The following ITGBL1 variants were observed in gnomAD, a reference collection of about 807,000 sequenced individuals.
The protein encoded by ITGBL1 is integrin subunit beta like 1, also known as integrin beta-like protein 1.
A neutral mutation model predicts 68.5 loss-of-function variants in ITGBL1; 51 were observed. The observed-to-expected ratio is 0.74, with a 90% CI of 0.59 to 0.94. The LOEUF (loss-of-function observed/expected upper bound fraction) is 0.94. Among genes scored for constraint, ITGBL1 ranks in the 40% least tolerant of loss-of-function variants. ITGBL1 has a pLI of 0.00. For missense variants in ITGBL1, 649 were observed against 647.4 expected (o/e 1.00, Z -0.03); for synonymous variants, 209 against 227.3 (o/e 0.92, Z 0.72).
chr13:101,482,530 C>T (rs557685999), intron 2 of ITGBL1, among the ~76,000 whole-genome samples: 102 of 151,950 alleles, frequency 6.7e-4, no homozygotes, highest in African/African-American at 2.3e-3. Context: ...CATTTGATTA[C>T]AATATGGAAT....
chr13:101,714,760 T>C, intron 10 of ITGBL1: 1 of 541,376 alleles, frequency 1.8e-6, no homozygotes, highest in South Asian at 2.7e-5. Flanking sequence ...AGAATGAAGC[T>C]AAATTTTGTG....
At chr13:101,463,060 C>A (rs1367512704) in intron 2 of ITGBL1, among the ~76,000 whole-genome samples, 1 of 152,020 alleles carries the variant, frequency 6.6e-6, no homozygotes, top group East Asian at 1.9e-4. Context: ...GAAAAGAGGG[C>A]AATAATAAGA....
chr13:101,616,374 G>A (rs1056391572), intron 7 of ITGBL1, among the ~76,000 whole-genome samples: 7 of 152,144 alleles, frequency 4.6e-5, no homozygotes, highest in Non-Finnish European at 8.8e-5. Flanking sequence ...GAAGTATTTT[G>A]GCTTAAATTC....
rs202109455 is a variant in ITGBL1 at position 101,541,519 on chromosome 13, TG to T, written c.317-26179del. Among the ~76,000 whole-genome samples, 929 of 152,220 alleles carry T rather than the reference TG, an allele frequency of 6.1e-3. 12 individuals carry two copies. The highest frequency in any genetic ancestry group is 0.021 in the African/African-American group (867 of 41,546). ...GGATATTAGTCGAAAATTCTCTTTT[TG>T]TTGTTGTGTCTCTGCCAGGCTTTGG... On this transcript the variant is annotated intron_variant, in intron 2 of 10. Coordinates refer to ENST00000376180, the MANE Select transcript of ITGBL1 (RefSeq NM_004791.3).
chr13:101,562,588 T>C (rs142667156), intron 2 of ITGBL1, among the ~76,000 whole-genome samples: 167 of 152,062 alleles, frequency 1.1e-3, no homozygotes, highest in African/African-American at 3.9e-3. Flanking sequence ...TAAAGAGAGA[T>C]ATTACACAAT....
chr13:101,650,454 G>A (rs1004576598), intron 7 of ITGBL1, among the ~76,000 whole-genome samples: 2 of 151,822 alleles, frequency 1.3e-5, no homozygotes, highest in African/African-American at 4.8e-5. Flanking sequence ...ATGTTGAAAA[G>A]CATAAATACA....
chr13:101,657,759 T>C (rs1172420459), intron 7 of ITGBL1, among the ~76,000 whole-genome samples: 1 of 152,224 alleles, frequency 6.6e-6, no homozygotes, highest in African/African-American at 2.4e-5. Context: ...CCTAGAATGC[T>C]GCACATGTGG....
intron 2 of ITGBL1, among the ~76,000 whole-genome samples, chr13:101,516,045 A>G (rs2049190091): frequency 1.3e-5 from 2 of 152,110 alleles, no homozygotes; most frequent in Admixed American, 1.3e-4. Context: ...AAATAAAACA[A>G]TCTGTTCCCC....
chr13:101,535,809 A>G (rs2049564713), intron 2 of ITGBL1, among the ~76,000 whole-genome samples: 1 of 152,124 alleles, frequency 6.6e-6, no homozygotes, highest in Non-Finnish European at 1.5e-5. Flanking sequence ...AAATTTTGCA[A>G]TTCGAATCTC....
intron 2 of ITGBL1, among the ~76,000 whole-genome samples, chr13:101,540,604 C>T (rs898955852): frequency 6.6e-6 from 1 of 152,072 alleles, no homozygotes; most frequent in African/African-American, 2.4e-5. Context: ...TCATTGGTAG[C>T]TTGATGGGGA....
chr13:101,639,609 A>T (rs1020518382), intron 7 of ITGBL1, among the ~76,000 whole-genome samples: 2 of 152,220 alleles, frequency 1.3e-5, no homozygotes, highest in Admixed American at 6.5e-5. Flanking sequence ...TTGGGTCTTT[A>T]GGTATAAGTA....
intron 4 of ITGBL1, among the ~76,000 whole-genome samples, chr13:101,576,956 A>G (rs1449904722): frequency 7.0e-6 from 1 of 142,946 alleles, no homozygotes; most frequent in Non-Finnish European, 1.5e-5. Context: ...ATAGATGGAA[A>G]AAAAAAAAAA....
Position 101,532,086 on chromosome 13 carries a change from A to G in ITGBL1, c.317-35613A>G, listed in dbSNP as rs149463286. ...AATATTCAAGACATACAACATGCAC[A>G]TCTTAAAATAAGTTGTGTATCTGTA... On this transcript the variant is annotated intron_variant, in intron 2 of 10. Coordinates refer to ENST00000376180, the MANE Select transcript of ITGBL1 (RefSeq NM_004791.3). 1.3e-4 allele frequency among the ~76,000 whole-genome samples: 20 copies of G among 152,258 alleles called. No homozygotes were observed. The East Asian group carries it at 3.9e-3, about 29-fold the overall frequency.
intron 7 of ITGBL1, among the ~76,000 whole-genome samples, chr13:101,637,308 T>C (rs2032202216): frequency 6.6e-6 from 1 of 151,734 alleles, no homozygotes; most frequent in South Asian, 2.1e-4. Context: ...AAATCGGTGC[T>C]GGGGACAACA....
At chr13:101,554,842 G>A (rs1454875813) in intron 2 of ITGBL1, among the ~76,000 whole-genome samples, 1 of 152,142 alleles carries the variant, frequency 6.6e-6, no homozygotes, top group Non-Finnish European at 1.5e-5. Context: ...CTGAATAATA[G>A]TGTCCTTTTC....
intron 4 of ITGBL1, among the ~76,000 whole-genome samples, chr13:101,575,932 A>G (rs2050351486): frequency 6.6e-6 from 1 of 152,080 alleles, no homozygotes; most frequent in Non-Finnish European, 1.5e-5. Context: ...CTCATGTCCT[A>G]TCAGGGACAA....
intron 2 of ITGBL1, among the ~76,000 whole-genome samples, chr13:101,496,921 T>C (rs1024140875): frequency 7.2e-5 from 11 of 152,144 alleles, no homozygotes; most frequent in Non-Finnish European, 1.2e-4. Context: ...ACAGGATCTG[T>C]TTCACAGGGG....
Position 101,620,069 on chromosome 13 carries a change from G to A in ITGBL1, c.1015+21770G>A, listed in dbSNP as rs190978404. Among the ~76,000 whole-genome samples the A allele has an allele frequency of 1.6e-3, 248 of 151,986 alleles. 1 individual carries two copies. The highest frequency in any genetic ancestry group is 5.7e-3 in the African/African-American group (236 of 41,468). On this transcript the variant is annotated intron_variant, in intron 7 of 10. Transcript: ENST00000376180. ...AGCATAATATGCATTATATTCCGTC[G>A]TTTAATCAATTTTTCTATTTAAATG... is the stretch of plus-strand genomic sequence containing the variant.
At chr13:101,610,815 T>C (rs192311105) in intron 7 of ITGBL1, among the ~76,000 whole-genome samples, 2 of 152,098 alleles carry the variant, frequency 1.3e-5, no homozygotes, top group East Asian at 3.9e-4. Flanking sequence ...GGAGAAGGGA[T>C]TGAGTGTCTT....
Sources: allele counts gnomAD v4.1 joint callset (sites outside exome capture counted in the v4.1 genomes callset), GRCh38; gene constraint gnomAD v4.1.1; transcripts MANE v1.5; gene names NCBI Gene and HGNC (gene_info 2026-07-23, HGNC 2026-07-21).